The following MALRD1 variants were observed in gnomAD, a reference collection of about 807,000 sequenced individuals.
The protein encoded by MALRD1 is MAM and LDL receptor class A domain containing 1.
In MALRD1, 247 loss-of-function variants were observed where a neutral mutation model predicts 242.1. That is an observed-to-expected ratio of 1.02 (90% CI 0.92 to 1.13). MALRD1 has a LOEUF of 1.13. MALRD1 is among the 50% of genes most tolerant of loss of function. MALRD1 has a pLI of 0.00. For missense variants in MALRD1, 2,989 were observed against 2,533.1 expected (o/e 1.18, Z -3.86); for synonymous variants, 995 against 866.6 (o/e 1.15, Z -2.60).
intron 36 of MALRD1, among the ~76,000 whole-genome samples, chr10:19,686,264 G>A (rs542168475): frequency 6.6e-6 from 1 of 152,302 alleles, no homozygotes; most frequent in South Asian, 2.1e-4. Flanking sequence ...AGTTTTACAT[G>A]TTGGCATACT....
chr10:19,161,094 G>A (rs1330268008), intron 12 of MALRD1, among the ~76,000 whole-genome samples: 6 of 143,124 alleles, frequency 4.2e-5, no homozygotes, highest in Non-Finnish European at 7.6e-5. Flanking sequence ...CAAAGACTTG[G>A]AACCAACCCA....
chr10:19,342,516 G>C (rs576109330), intron 24 of MALRD1, among the ~76,000 whole-genome samples: 3 of 152,214 alleles, frequency 2.0e-5, no homozygotes, highest in Non-Finnish European at 4.4e-5. Flanking sequence ...TTTCTTGAGA[G>C]TTAGAGAAAG....
chr10:19,108,742 G>A lies in MALRD1; in HGVS notation c.694+4667G>A, dbSNP rs935393983. 9.9e-5 allele frequency among the ~76,000 whole-genome samples: 15 copies of A among 152,094 alleles called. 1 individual carries two copies. Among genetic ancestry groups the A allele is most frequent in the African/African-American group, 3.6e-4 (15 of 41,488 alleles). ...GTTTTTTCTAATTTTATTGAATTGT[G>A]TATATTCTCTTTTATCTCATTGAGT... On this transcript the variant is annotated intron_variant, in intron 5 of 39. Transcript: ENST00000454679.
chr10:19,293,466 T>C (rs1841545189), intron 21 of MALRD1, among the ~76,000 whole-genome samples: 1 of 152,212 alleles, frequency 6.6e-6, no homozygotes, highest in African/African-American at 2.4e-5. Context: ...GATCTATTAT[T>C]TGCATTTTCA....
intron 14 of MALRD1, among the ~76,000 whole-genome samples, chr10:19,187,595 G>A (rs939513521): frequency 6.6e-6 from 1 of 152,134 alleles, no homozygotes; most frequent in East Asian, 1.9e-4. Context: ...GGCTGAGGAA[G>A]AGCAGCCCAC....
chr10:19,182,435 CT>C (rs773024682), intron 14 of MALRD1, among the ~76,000 whole-genome samples: 3 of 149,824 alleles, frequency 2.0e-5, no homozygotes, highest in Non-Finnish European at 3.0e-5. Flanking sequence ...CGCCATTCTC[CT>C]GCCTCAGCCT....
intron 27 of MALRD1, chr10:19,389,244 G>A (rs998835816): frequency 1.0e-5 from 7 of 671,896 alleles, no homozygotes; most frequent in African/African-American, 1.8e-5. Context: ...ATACTGTGAA[G>A]CACGTGCTAA....
intron 10 of MALRD1, among the ~76,000 whole-genome samples, chr10:19,140,912 A>T (rs986267152): frequency 1.1e-4 from 16 of 152,130 alleles, no homozygotes; most frequent in African/African-American, 3.6e-4. Flanking sequence ...GTATACTTGA[A>T]ATTTGCTGAG....
intron 18 of MALRD1, among the ~76,000 whole-genome samples, chr10:19,225,725 T>C (rs1441399559): frequency 6.6e-6 from 1 of 152,166 alleles, no homozygotes; most frequent in Non-Finnish European, 1.5e-5. Context: ...CTACCAAGAA[T>C]TGTCAAAGAA....
intron 32 of MALRD1, among the ~76,000 whole-genome samples, chr10:19,537,258 A>G (rs1403688586): frequency 1.3e-5 from 2 of 152,208 alleles, no homozygotes; most frequent in Non-Finnish European, 2.9e-5. Context: ...CTATATGGAA[A>G]AGGGCTGGAA....
intron 33 of MALRD1, among the ~76,000 whole-genome samples, chr10:19,578,427 C>T (rs556445858): frequency 6.6e-6 from 1 of 152,270 alleles, no homozygotes; most frequent in South Asian, 2.1e-4. Flanking sequence ...TACAGTGGCT[C>T]ATGCCTGTAA....
intron 32 of MALRD1, among the ~76,000 whole-genome samples, chr10:19,555,260 C>A (rs1475074972): frequency 6.6e-6 from 1 of 152,108 alleles, no homozygotes; most frequent in Non-Finnish European, 1.5e-5. Context: ...CAAACACCTC[C>A]TACCAGGCTC....
At chr10:19,334,287 A>G (rs1043501609) in intron 24 of MALRD1, among the ~76,000 whole-genome samples, 2 of 151,762 alleles carry the variant, frequency 1.3e-5, no homozygotes, top group African/African-American at 2.4e-5. Flanking sequence ...GAATTTTTAT[A>G]GTTTTAGGTC....
chr10:19,357,234 A>T (rs1165199711), intron 26 of MALRD1, among the ~76,000 whole-genome samples: 1 of 152,098 alleles, frequency 6.6e-6, no homozygotes, highest in Non-Finnish European at 1.5e-5. Context: ...TTTTTACCCA[A>T]TGTATCTGAA....
chr10:19,122,233 A>T (rs1007330302), intron 5 of MALRD1, among the ~76,000 whole-genome samples: 1 of 152,196 alleles, frequency 6.6e-6, no homozygotes. Context: ...AACCTGGCGC[A>T]GCTGAAATAT....
chr10:19,449,675 G>A (rs28378613), intron 28 of MALRD1, among the ~76,000 whole-genome samples: 11,268 of 152,024 alleles, frequency 0.074, 1,147 homozygotes, highest in African/African-American at 0.24. Context: ...CAGTATATCT[G>A]AAGAACAAAG....
chr10:19,413,422 T>C (rs1564319171), intron 28 of MALRD1, among the ~76,000 whole-genome samples: 1 of 152,300 alleles, frequency 6.6e-6, no homozygotes, highest in Non-Finnish European at 1.5e-5. Flanking sequence ...CCTGTGCTTC[T>C]TGCACCAATT....
At chr10:19,610,225 G>C in intron 35 of MALRD1, among the ~76,000 whole-genome samples, 1 of 151,738 alleles carries the variant, frequency 6.6e-6, no homozygotes, top group African/African-American at 2.4e-5. Flanking sequence ...TTTGTGGTAC[G>C]AACGTTGAAG....
intron 28 of MALRD1, among the ~76,000 whole-genome samples, chr10:19,392,580 C>T (rs1846385940): frequency 6.6e-6 from 1 of 152,090 alleles, no homozygotes; most frequent in Non-Finnish European, 1.5e-5. Flanking sequence ...AAGAGCAGTA[C>T]CATATTACCT....
Sources: gnomAD v4.1 joint callset for allele counts (sites outside exome capture counted in the v4.1 genomes callset) on GRCh38, gnomAD v4.1.1 for gene constraint, MANE v1.5 for transcripts, NCBI Gene and HGNC (gene_info 2026-07-23, HGNC 2026-07-21) for gene names.